LINGO2: variants seen among roughly 807,000 people sequenced by gnomAD.
LINGO2 encodes leucine-rich repeat and immunoglobulin-like domain-containing nogo receptor-interacting protein 2.
In LINGO2, 14 loss-of-function variants were observed where a neutral mutation model predicts 30.6. That is an observed-to-expected ratio of 0.46 (90% CI 0.30 to 0.72). The LOEUF is 0.72. Ranked by LOEUF, LINGO2 falls within the 30% of genes least tolerant of loss-of-function variation. The probability of loss-of-function intolerance (pLI) is 0.07; values close to 1 mark genes in which losing one functional copy is unlikely to be tolerated. For synonymous variants in LINGO2, 317 were observed against 288.5 expected, an observed-to-expected ratio of 1.10 and a Z score of -1.00; for missense variants, 729 against 751.7, an observed-to-expected ratio of 0.97 and a Z score of 0.35.
chr9:28,402,757 A>G (rs1474606050), intron 2 of LINGO2, among the ~76,000 whole-genome samples: 1 of 151,886 alleles, frequency 6.6e-6, no homozygotes, highest in African/African-American at 2.4e-5. Flanking sequence ...TTCCCCCACT[A>G]TATCCCAGGC....
chr9:28,286,267 T>G (rs13287847), intron 4 of LINGO2, among the ~76,000 whole-genome samples: 25,762 of 152,032 alleles, frequency 0.17, 2,839 homozygotes, highest in Non-Finnish European at 0.24. Context: ...AATATAGAAG[T>G]GTGACCAGTC....
At chr9:28,032,227 A>T (rs1025785381) in intron 4 of LINGO2, among the ~76,000 whole-genome samples, 1 of 152,138 alleles carries the variant, frequency 6.6e-6, no homozygotes, top group African/African-American at 2.4e-5. Flanking sequence ...ACAACATGAT[A>T]AAAACCCAGG....
At chr9:29,024,015 A>T in the LINGO2 span, among the ~76,000 whole-genome samples, 5 of 152,162 alleles carry the variant, frequency 3.3e-5, no homozygotes, top group Admixed American at 2.0e-4. Context: ...TGTAAACTTA[A>T]TGTCCTCCTT....
intron 1 of LINGO2, among the ~76,000 whole-genome samples, chr9:28,615,988 T>C (rs981569416): frequency 6.6e-6 from 1 of 152,118 alleles, no homozygotes; most frequent in Admixed American, 6.6e-5. Flanking sequence ...GGAGTCAAAA[T>C]AGTAATTATA....
intron 1 of LINGO2, among the ~76,000 whole-genome samples, chr9:28,553,218 C>A (rs1182689606): frequency 6.6e-6 from 1 of 151,862 alleles, no homozygotes; most frequent in Non-Finnish European, 1.5e-5. Flanking sequence ...GGAGGACATT[C>A]AAACCAAAGA....
At chr9:28,455,343 T>C (rs1223060544) in intron 2 of LINGO2, among the ~76,000 whole-genome samples, 1 of 152,100 alleles carries the variant, frequency 6.6e-6, no homozygotes, top group East Asian at 1.9e-4. Flanking sequence ...TATAAGTGAA[T>C]ATATTTTTAA....
At chr9:28,405,940 C>A (rs937403402) in intron 2 of LINGO2, among the ~76,000 whole-genome samples, 5 of 152,114 alleles carry the variant, frequency 3.3e-5, no homozygotes, top group Non-Finnish European at 5.9e-5. Context: ...TATTAAATGG[C>A]TGGCTATTAG....
At position 28,328,556 on chromosome 9, in the gene LINGO2, GA is replaced by G. The variant is rs34495703; in HGVS notation, c.-245-33191del. ...AAGATTTTTTAAAAAGTCCATCTTT[GA>G]AAAAAAAAAAGCAGAATGACGGAAA... On this transcript the variant is annotated intron_variant, in intron 3 of 5. Coordinates refer to ENST00000379992, the Ensembl canonical transcript of LINGO2. 9.9e-3 allele frequency among the ~76,000 whole-genome samples: 1,449 copies of G among 145,860 alleles called. 24 individuals carry two copies. Among genetic ancestry groups the G allele is most frequent in the African/African-American group, 0.034 (1,329 of 39,602 alleles).
the LINGO2 span, among the ~76,000 whole-genome samples, chr9:28,753,600 C>T: frequency 8.6e-5 from 13 of 151,988 alleles, no homozygotes; most frequent in Non-Finnish European, 1.5e-4. Flanking sequence ...TAATTTCTGG[C>T]TCTTTGTATT....
At chr9:28,980,778 G>C in the LINGO2 span, among the ~76,000 whole-genome samples, 1 of 151,784 alleles carries the variant, frequency 6.6e-6, no homozygotes, top group South Asian at 2.1e-4. Context: ...CCTATATCTT[G>C]TTTATTACCA....
intron 4 of LINGO2, among the ~76,000 whole-genome samples, chr9:28,016,508 AT>A (rs1822845405): frequency 6.6e-6 from 1 of 151,940 alleles, no homozygotes; most frequent in Non-Finnish European, 1.5e-5. Context: ...TAAAAGACAA[AT>A]TTCCCACAGA....
At chr9:28,210,075 CAATT>C (rs1226689814) in intron 4 of LINGO2, among the ~76,000 whole-genome samples, 2 of 151,602 alleles carry the variant, frequency 1.3e-5, no homozygotes, top group African/African-American at 4.8e-5. Flanking sequence ...AAGAGGGAAA[CAATT>C]TATGTTCTTT....
the LINGO2 span, among the ~76,000 whole-genome samples, chr9:28,869,028 A>G: frequency 6.6e-6 from 1 of 152,136 alleles, no homozygotes; most frequent in African/African-American, 2.4e-5. Flanking sequence ...TAAATATGGG[A>G]TAAAAATAAA....
intron 1 of LINGO2, among the ~76,000 whole-genome samples, chr9:28,517,703 A>C (rs1252690041): frequency 6.6e-6 from 1 of 152,224 alleles, no homozygotes; most frequent in East Asian, 1.9e-4. Flanking sequence ...GGAATCCTTA[A>C]TGGAGCAATA....
chr9:28,732,275 A>G, the LINGO2 span, among the ~76,000 whole-genome samples: 1 of 152,146 alleles, frequency 6.6e-6, no homozygotes, highest in African/African-American at 2.4e-5. Flanking sequence ...AACCAAGCAA[A>G]CTAAAATTTT....
At chr9:27,951,333 A>ATT (rs1160151866) in intron 5 of LINGO2, among the ~76,000 whole-genome samples, 4 of 152,108 alleles carry the variant, frequency 2.6e-5, no homozygotes, top group Non-Finnish European at 1.5e-5. Context: ...TTATGAAGGG[A>ATT]TTTTCTTATT....
the LINGO2 span, among the ~76,000 whole-genome samples, chr9:29,151,733 C>G: frequency 6.6e-6 from 1 of 152,136 alleles, no homozygotes; most frequent in Non-Finnish European, 1.5e-5. Context: ...CACTGAAGCA[C>G]TCAGATTCAT....
At chr9:28,738,835 T>G in the LINGO2 span, among the ~76,000 whole-genome samples, 1 of 152,006 alleles carries the variant, frequency 6.6e-6, no homozygotes, top group Non-Finnish European at 1.5e-5. Flanking sequence ...ATAGATATTT[T>G]AAGTAAATAT....
At chr9:28,918,907 A>G in the LINGO2 span, among the ~76,000 whole-genome samples, 2 of 152,224 alleles carry the variant, frequency 1.3e-5, no homozygotes, top group African/African-American at 4.8e-5. Flanking sequence ...GTATGGATTC[A>G]AGGGAATCAA....
Sources: gnomAD v4.1 joint callset for allele counts (sites outside exome capture counted in the v4.1 genomes callset) on GRCh38, gnomAD v4.1.1 for gene constraint, MANE v1.5 for transcripts, NCBI Gene and HGNC (gene_info 2026-07-23, HGNC 2026-07-21) for gene names.